The following SFMBT1 variants were observed in gnomAD, a reference collection of about 807,000 sequenced individuals.
SFMBT1 encodes Scm like with four mbt domains 1.
Under a neutral mutation model 108.7 loss-of-function variants are expected in SFMBT1, and 32 were observed. The observed-to-expected ratio is 0.29, with a 90% CI of 0.22 to 0.40. The LOEUF (loss-of-function observed/expected upper bound fraction) is 0.40, where lower values mean the gene tolerates loss of function less well. SFMBT1 is among the 10% of genes least tolerant of loss of function. The pLI is 1.00. For synonymous variants in SFMBT1, 348 were observed against 369.5 expected, an observed-to-expected ratio of 0.94 and a Z score of 0.67; for missense variants, 816 against 1,059.6, an observed-to-expected ratio of 0.77 and a Z score of 3.19.
rs71087045 is a variant in SFMBT1, at chr3:52,991,342, C to CTTTTTTTTTTTTT, written c.-130-22097_-130-22085dup. On this transcript the variant is annotated intron_variant, in intron 1 of 20. Transcript: ENST00000394752. ...ACCCAAAATTCACATGCTGAAACTT[C>CTTTTTTTTTTTTT]TTTTTTTTTTTTTTTTTTTGAGATG... Among the ~76,000 whole-genome samples the CTTTTTTTTTTTTT allele has an allele frequency of 5.4e-4, 49 of 91,186 alleles. 1 individual carries two copies. The highest frequency in any genetic ancestry group is 7.6e-4 in the Non-Finnish European group (34 of 45,028). The allele number at this position is 91,186 out of a possible 152,430, so 59.8% of individuals were successfully genotyped here. A position where few individuals can be genotyped will look rare whatever the true frequency, so the allele number is the denominator to read the frequency against.
At chr3:53,020,891 T>C (rs1490319734) in intron 1 of SFMBT1, among the ~76,000 whole-genome samples, 1 of 152,142 alleles carries the variant, frequency 6.6e-6, no homozygotes, top group Non-Finnish European at 1.5e-5. Context: ...ACCTTGTCTC[T>C]ACTAAAAATA....
At chr3:52,932,422 C>T (rs1702886545) in intron 5 of SFMBT1, 114 bp from the exon 6 acceptor site, 1 of 981,536 alleles carries the variant, frequency 1.0e-6, no homozygotes, top group Non-Finnish European at 1.5e-6. Flanking sequence ...CATTCAAAAG[C>T]CAGTGACACT....
At chr3:52,926,859 C>T (rs1348784808) in intron 9 of SFMBT1, among the ~76,000 whole-genome samples, 1 of 152,090 alleles carries the variant, frequency 6.6e-6, no homozygotes. Flanking sequence ...AAAAAATAGG[C>T]TACTCAAGTC....
At chr3:52,954,151 A>T (rs1703696655) in intron 3 of SFMBT1, among the ~76,000 whole-genome samples, 166 bp downstream of exon 3, 1 of 152,102 alleles carries the variant, frequency 6.6e-6, no homozygotes, top group African/African-American at 2.4e-5. Flanking sequence ...ATAAAAAAAT[A>T]AAGAATATGG....
At chr3:52,959,748 C>A (rs956021085) in intron 2 of SFMBT1, among the ~76,000 whole-genome samples, 1 of 152,108 alleles carries the variant, frequency 6.6e-6, no homozygotes, top group Non-Finnish European at 1.5e-5. Flanking sequence ...GAATTTGCCA[C>A]CTAGATTCTT....
chr3:52,928,097 G>C, intron 9 of SFMBT1, 94 bp downstream of exon 9: 1 of 1,495,066 alleles, frequency 6.7e-7, no homozygotes, highest in Non-Finnish European at 9.0e-7. Context: ...TAGGGCAGGA[G>C]GAGAGGGACA....
rs565219320 is a variant in SFMBT1, at chr3:52,946,452, A to G, written c.124-2859T>C. On this transcript the variant is annotated intron_variant, in intron 3 of 20. Transcript: ENST00000394752. Reference sequence around the variant, plus strand: ...AATTATGCGGTATGAATATTTTTTGAGTGGAGCTTCTCTTGTCGAACATTA... The same window carrying G: ...AATTATGCGGTATGAATATTTTTTGGGTGGAGCTTCTCTTGTCGAACATTA... Among the ~76,000 whole-genome samples the G allele has an allele frequency of 3.3e-5, 5 of 152,328 alleles. No homozygotes were observed. The East Asian group carries it at 9.6e-4, about 29-fold the overall frequency.
chr3:53,020,179 A>T (rs943686577), intron 1 of SFMBT1, among the ~76,000 whole-genome samples: 1 of 152,084 alleles, frequency 6.6e-6, no homozygotes, highest in East Asian at 1.9e-4. Flanking sequence ...ACCTAAGGTC[A>T]GGAGTTCAAG....
At position 52,942,040 on chromosome 3, in the gene SFMBT1, C is replaced by T. The variant is rs143119048; in HGVS notation, c.364+1313G>A. On this transcript the variant is annotated intron_variant, in intron 4 of 20. Coordinates refer to ENST00000394752, the MANE Select transcript of SFMBT1 (RefSeq NM_016329.4). ...GGCTGAGGCAGGATAATCACTTGAG[C>T]CCAGGAGTTGGAGACCAGTCTGGGT... 3.8e-3 allele frequency among the ~76,000 whole-genome samples: 584 copies of T among 152,162 alleles called. 3 individuals carry two copies. The highest frequency in any genetic ancestry group is 0.013 in the African/African-American group (532 of 41,508).
rs375449878 is a variant in SFMBT1 at position 52,995,998 on chromosome 3, G to T, written c.-130-26740C>A. ...AGGCAGAAGAATCACTTGAACCCGGGAGGCGGAGGTTGCAGTGAGCCAAGA... is the reference window on the plus strand; with the variant it reads ...AGGCAGAAGAATCACTTGAACCCGGTAGGCGGAGGTTGCAGTGAGCCAAGA... On this transcript the variant is annotated intron_variant, in intron 1 of 20. Coordinates refer to ENST00000394752, the MANE Select transcript of SFMBT1 (RefSeq NM_016329.4). Among the ~76,000 whole-genome samples, 8 of 148,508 alleles carry T rather than the reference G, an allele frequency of 5.4e-5. 1 individual carries two copies. The South Asian group carries it at 1.5e-3, about 28-fold the overall frequency.
intron 5 of SFMBT1, 32 bp from the exon 6 acceptor site, chr3:52,932,340 A>T: frequency 1.9e-6 from 3 of 1,588,090 alleles, no homozygotes; most frequent in African/African-American, 1.4e-5. Flanking sequence ...CAACCCAGTA[A>T]GAGAAATTAA....
At position 53,001,222 on chromosome 3, in the gene SFMBT1, G is replaced by T. The variant is rs1559544432; in HGVS notation, c.-130-31964C>A. 1.3e-5 allele frequency among the ~76,000 whole-genome samples: 2 copies of T among 150,186 alleles called. 1 individual carries two copies. The highest frequency in any genetic ancestry group is 3.0e-5 in the Non-Finnish European group (2 of 67,048). On this transcript the variant is annotated intron_variant, in intron 1 of 20. Transcript: ENST00000394752. ...TAAACAAGTACACATAAATATTAAA[G>T]TTCTTTCAGCCTGGGCAACATAGTG...
chr3:52,966,547 C>T (rs1014104676), intron 2 of SFMBT1, among the ~76,000 whole-genome samples: 2 of 147,914 alleles, frequency 1.4e-5, no homozygotes, highest in African/African-American at 5.0e-5. Flanking sequence ...ATGGTGTGAA[C>T]CCAGGAGGCG....
chr3:52,975,743 A>ACG (rs1704496363), intron 1 of SFMBT1, among the ~76,000 whole-genome samples: 1 of 152,160 alleles, frequency 6.6e-6, no homozygotes, highest in African/African-American at 2.4e-5. Context: ...CTGGGATTAC[A>ACG]GGTGTGTGCT....
At chr3:53,033,401 T>G (rs1429902471) in intron 1 of SFMBT1, among the ~76,000 whole-genome samples, 2 of 152,012 alleles carry the variant, frequency 1.3e-5, no homozygotes, top group African/African-American at 4.8e-5. Context: ...CCTCAAGTGA[T>G]CCACCCGCCT....
At chr3:53,035,901 A>G (rs1233185505) in intron 1 of SFMBT1, among the ~76,000 whole-genome samples, 1 of 152,206 alleles carries the variant, frequency 6.6e-6, no homozygotes, top group African/African-American at 2.4e-5. Flanking sequence ...CCAGAGACGT[A>G]AGTAAATTTT....
intron 4 of SFMBT1, among the ~76,000 whole-genome samples, chr3:52,938,638 TG>T (rs1370279540): frequency 1.4e-5 from 1 of 70,656 alleles, no homozygotes; most frequent in African/African-American, 4.8e-5. Flanking sequence ...GCAATAAAGC[TG>T]TTTTTTTTTT....
chr3:52,909,176 T>A (rs1359792084), intron 17 of SFMBT1, among the ~76,000 whole-genome samples: 1 of 152,258 alleles, frequency 6.6e-6, no homozygotes, highest in Non-Finnish European at 1.5e-5. Flanking sequence ...ACTGTCCTTC[T>A]AAATTCTAGG....
At chr3:53,027,869 A>C (rs572922037) in intron 1 of SFMBT1, among the ~76,000 whole-genome samples, 23 of 152,300 alleles carry the variant, frequency 1.5e-4, no homozygotes, top group African/African-American at 4.1e-4. Context: ...GGAGGTTGCA[A>C]ATTTTTTTGT....
Sources: allele counts gnomAD v4.1 joint callset (sites outside exome capture counted in the v4.1 genomes callset), GRCh38; gene constraint gnomAD v4.1.1; transcripts MANE v1.5; gene names NCBI Gene and HGNC (gene_info 2026-07-23, HGNC 2026-07-21).